The following ANLN variants were observed in gnomAD, a reference collection of about 807,000 sequenced individuals.
The protein encoded by ANLN is anillin.
ANLN carries 59 observed loss-of-function variants against 135.1 expected under a neutral mutation model. That is an observed-to-expected ratio of 0.44 (90% CI 0.35 to 0.54). The LOEUF (loss-of-function observed/expected upper bound fraction) is 0.54. Ranked by LOEUF, ANLN falls within the 20% of genes least tolerant of loss-of-function variation. ANLN has a pLI of 0.00. For missense variants in ANLN, 1,182 were observed against 1,340.0 expected (o/e 0.88, Z 1.84); for synonymous variants, 406 against 456.4 (o/e 0.89, Z 1.41).
chr7:36,422,006 A>T lies in ANLN; in HGVS notation c.2299+14A>T. The T allele has an allele frequency of 6.2e-7, 1 of 1,602,116 alleles. No individual in the cohort carries two copies. The highest frequency in any genetic ancestry group is 8.5e-7 in the Non-Finnish European group (1 of 1,176,788). On this transcript the variant is annotated intron_variant, in intron 13 of 23. Coordinates refer to ENST00000265748, the MANE Select transcript of ANLN (RefSeq NM_018685.5). ...TTCTAATTGCAAGTAAGTGTGATGC[A>T]CCTGAAAGAGTTCCAACAAATTTCT...
chr7:36,449,935 G>T, intron 23 of ANLN, 98 bp downstream of exon 23: 1 of 1,206,420 alleles, frequency 8.3e-7, no homozygotes, highest in South Asian at 1.6e-5. Flanking sequence ...CCTTGACGTT[G>T]AAAAGGGCAC....
At chr7:36,432,628 C>G (rs1426623365) in intron 20 of ANLN, among the ~76,000 whole-genome samples, 1 of 152,318 alleles carries the variant, frequency 6.6e-6, no homozygotes, top group Admixed American at 6.5e-5. Flanking sequence ...TTTGCCAACT[C>G]GTAGTCTACC....
Position 36,452,813 on chromosome 7 carries a change from T to C in ANLN, c.*213T>C, listed in dbSNP as rs1282272385. On this transcript the variant is annotated 3_prime_UTR_variant, in exon 24 of 24. Coordinates refer to ENST00000265748, the MANE Select transcript of ANLN (RefSeq NM_018685.5). ...ATGAGTAGAAGTAAATACATTATAGTTGATTTTGCTAAATCTTAATTTAAA... is the reference window on the plus strand; with the variant it reads ...ATGAGTAGAAGTAAATACATTATAGCTGATTTTGCTAAATCTTAATTTAAA... 1 of 372,378 alleles carries C rather than the reference T, an allele frequency of 2.7e-6. No homozygotes were observed. Among genetic ancestry groups the C allele is most frequent in the African/African-American group, 2.1e-5 (1 of 47,876 alleles). 23.1% of individuals were successfully genotyped at this position (372,378 alleles called of 1,614,324 possible).
intron 20 of ANLN, among the ~76,000 whole-genome samples, chr7:36,438,914 G>A (rs1454921927): frequency 6.6e-6 from 1 of 152,106 alleles, no homozygotes; most frequent in Non-Finnish European, 1.5e-5. Context: ...ATATTCTCCT[G>A]TTGATGGAGA....
rs540328177 is a variant in ANLN, at chr7:36,417,441, G to A, written c.1633+251G>A. Among the ~76,000 whole-genome samples the A allele has an allele frequency of 1.1e-4, 17 of 152,210 alleles. 1 individual carries two copies. Among genetic ancestry groups the A allele is most frequent in the Non-Finnish European group, 1.5e-5 (1 of 68,014 alleles). ...TGCTGCCCTCCCACGCTCTGTACTGGTAGAGGGGTGTTTCAGGGAAAAACT... is the reference window on the plus strand; with the variant it reads ...TGCTGCCCTCCCACGCTCTGTACTGATAGAGGGGTGTTTCAGGGAAAAACT... On this transcript the variant is annotated intron_variant, in intron 9 of 23. Transcript: ENST00000265748.
chr7:36,449,845 T>C lies in ANLN; in HGVS notation c.3251+8T>C, dbSNP rs774849759. The stretch of plus-strand genomic sequence containing the variant: ...CACACTCTGTGTTACCAAGTATGTA[T>C]TGGCCTATAAATATTTCTATCAACT... On this transcript the variant is annotated splice_region_variant and intron_variant, in intron 23 of 23. Coordinates refer to ENST00000265748, the MANE Select transcript of ANLN (RefSeq NM_018685.5). The C allele has an allele frequency of 6.2e-6, 10 of 1,610,352 alleles. No homozygotes were observed. The highest frequency in any genetic ancestry group is 1.7e-5 in the Admixed American group (1 of 59,138).
At position 36,449,745 on chromosome 7, in the gene ANLN, C is replaced by T. The variant is rs1789166799; in HGVS notation, c.3159C>T (p.Arg1053=). The change falls in exon 23 of 24, where the codon CGC becomes CGT. Residue 1053 remains arginine, a synonymous_variant. Coordinates refer to ENST00000265748, the MANE Select transcript of ANLN (RefSeq NM_018685.5). ...EPANREFCAR[R]NTFELITVRP... ...CCAACAGAGAATTTTGTGCAAGACGCAACACTTTTGAATTAATTACTGTCC... is the reference window on the plus strand; with the variant it reads ...CCAACAGAGAATTTTGTGCAAGACGTAACACTTTTGAATTAATTACTGTCC... The T allele has an allele frequency of 1.2e-6, 2 of 1,614,016 alleles. No individual in the cohort carries two copies. Among genetic ancestry groups the T allele is most frequent in the East Asian group, 2.2e-5 (1 of 44,864 alleles).
intron 9 of ANLN, 107 bp from the exon 10 acceptor site, chr7:36,419,137 G>T: frequency 1.4e-6 from 1 of 710,974 alleles, no homozygotes; most frequent in East Asian, 2.9e-5. Flanking sequence ...TTTTTTTTAA[G>T]GCATTTTTTC....
intron 8 of ANLN, among the ~76,000 whole-genome samples, chr7:36,416,699 C>T (rs2116635467): frequency 6.6e-6 from 1 of 150,952 alleles, no homozygotes; most frequent in East Asian, 2.0e-4. Flanking sequence ...AATATGCACA[C>T]CTTGGGGGAA....
intron 15 of ANLN, 88 bp from the exon 16 acceptor site, chr7:36,424,457 G>C: frequency 1.9e-6 from 2 of 1,070,616 alleles, no homozygotes; most frequent in East Asian, 2.4e-5. Flanking sequence ...CCTTTACTTA[G>C]AGTCTTGTAA....
intron 10 of ANLN, among the ~76,000 whole-genome samples, chr7:36,419,771 C>A (rs769965762): frequency 2.0e-4 from 30 of 152,210 alleles, no homozygotes; most frequent in Non-Finnish European, 7.3e-5. Flanking sequence ...TCTATGCCAC[C>A]ATTTCCTCTT....
At chr7:36,428,279 T>C in intron 20 of ANLN, 2 of 1,208,448 alleles carry the variant, frequency 1.7e-6, no homozygotes, top group Non-Finnish European at 2.1e-6. Flanking sequence ...GGTCTTTTTT[T>C]CTCTGTCTCT....
Position 36,406,332 on chromosome 7 carries a change from A to C in ANLN, c.639A>C (p.Glu213Asp). The change falls in exon 4 of 24, where the codon GAA becomes GAC. Residue 213 changes from glutamate to aspartate, a missense_variant. Glu to Asp is a conservative substitution (Grantham distance 45, BLOSUM62 2). This residue lies in a region of ANLN where 1,022 missense variants were observed against 1,134.0 expected (regional missense o/e 0.90). Coordinates refer to ENST00000265748, the MANE Select transcript of ANLN (RefSeq NM_018685.5). The part of the protein sequence containing the change: ...ANLAATICSW[E>D]DDVNHSFAKQ... ...TTGCTGCAACTATTTGCTCCTGGGA[A>C]GATGATGTAAATCACTCATTTGCAA... The C allele has an allele frequency of 6.2e-7, 1 of 1,614,216 alleles. No homozygotes were observed. Among genetic ancestry groups the C allele is most frequent in the Non-Finnish European group, 8.5e-7 (1 of 1,180,014 alleles).
At chr7:36,438,817 T>A (rs1199431993) in intron 20 of ANLN, among the ~76,000 whole-genome samples, 4 of 152,246 alleles carry the variant, frequency 2.6e-5, no homozygotes, top group Non-Finnish European at 5.9e-5. Context: ...GACTGGCTTT[T>A]CCATATCTGC....
At chr7:36,449,524 C>A (rs1789158259) in intron 22 of ANLN, 141 bp from the exon 23 acceptor site, 12 of 613,264 alleles carry the variant, frequency 2.0e-5, no homozygotes, top group Non-Finnish European at 3.2e-5. Context: ...AAATATGTTT[C>A]TCTAAGCCCA....
chr7:36,401,386 T>C (rs1786938919), intron 3 of ANLN, among the ~76,000 whole-genome samples: 1 of 152,232 alleles, frequency 6.6e-6, no homozygotes, highest in Non-Finnish European at 1.5e-5. Flanking sequence ...CTGCCCAGGC[T>C]GGAGTGCAGT....
intron 20 of ANLN, among the ~76,000 whole-genome samples, chr7:36,427,945 C>T (rs1031506895): frequency 6.6e-6 from 1 of 152,012 alleles, no homozygotes; most frequent in Non-Finnish European, 1.5e-5. Flanking sequence ...TGTGAGATTT[C>T]TGTAGTGCGA....
intron 3 of ANLN, among the ~76,000 whole-genome samples, chr7:36,400,010 C>T (rs555239569): frequency 6.6e-6 from 1 of 151,482 alleles, no homozygotes; most frequent in Non-Finnish European, 1.5e-5. Context: ...TTTGAGATGA[C>T]TTATAAAAAT....
chr7:36,409,827 A>G (rs1433594300), intron 5 of ANLN, among the ~76,000 whole-genome samples: 1 of 152,020 alleles, frequency 6.6e-6, no homozygotes, highest in African/African-American at 2.4e-5. Flanking sequence ...GCATGCCACT[A>G]CAAGTGGTTA....
Sources: gnomAD v4.1 joint callset for allele counts (sites outside exome capture counted in the v4.1 genomes callset) on GRCh38, gnomAD v4.1.1 for gene constraint, gnomAD v4.1.1 regional missense constraint, MANE v1.5 for transcripts, NCBI Gene and HGNC (gene_info 2026-07-23, HGNC 2026-07-21) for gene names.